The following FGF1 variants were observed in gnomAD, a reference collection of about 807,000 sequenced individuals.
The protein encoded by FGF1 is fibroblast growth factor 1.
FGF1 carries 9 observed loss-of-function variants against 13.4 expected under a neutral mutation model. That is an observed-to-expected ratio of 0.67 (90% CI 0.40 to 1.17). The LOEUF (loss-of-function observed/expected upper bound fraction) is 1.17, where lower values mean the gene tolerates loss of function less well. Among genes scored for constraint, FGF1 ranks in the 50% most tolerant of loss-of-function variants. The probability of loss-of-function intolerance (pLI) is 0.01; values close to 1 mark genes in which losing one functional copy is unlikely to be tolerated. For missense variants in FGF1, 156 were observed against 192.7 expected (o/e 0.81, Z 1.13); for synonymous variants, 93 against 79.0 (o/e 1.18, Z -0.94).
chr5:142,636,000 G>T (rs1320349024), intron 1 of FGF1, among the ~76,000 whole-genome samples: 1 of 152,118 alleles, frequency 6.6e-6, no homozygotes, highest in Non-Finnish European at 1.5e-5. Context: ...TCCATTACTT[G>T]TATTTCCTTT....
At chr5:142,648,689 CAAAAAAA>C (rs11451715) in intron 1 of FGF1, among the ~76,000 whole-genome samples, 12 of 66,230 alleles carry the variant, frequency 1.8e-4, no homozygotes, top group South Asian at 1.7e-3. Flanking sequence ...CCCCACCAAC[CAAAAAAA>C]AAAAAAAAAA....
chr5:142,600,594 C>T (rs1236856255), intron 3 of FGF1, 108 bp downstream of exon 3: 4 of 781,518 alleles, frequency 5.1e-6, no homozygotes, highest in African/African-American at 1.7e-5. Context: ...GAAAAAATAA[C>T]AAACAGAGAC....
intron 1 of FGF1, among the ~76,000 whole-genome samples, chr5:142,626,032 G>A (rs569163551): frequency 2.6e-5 from 4 of 152,152 alleles, no homozygotes; most frequent in Admixed American, 6.5e-5. Context: ...GGACCTATCC[G>A]TAAATAATAA....
chr5:142,597,649 T>A (rs899926009), intron 3 of FGF1, among the ~76,000 whole-genome samples: 4 of 152,348 alleles, frequency 2.6e-5, no homozygotes, highest in East Asian at 3.9e-4. Context: ...TTGCTTTGCC[T>A]TTTTCAAGTC....
In FGF1 at chr5:142,634,434, A is replaced by T. The variant is rs573580104; in HGVS notation, c.-34-20273T>A. On this transcript the variant is annotated intron_variant, in intron 1 of 3. Coordinates refer to ENST00000337706, the MANE Select transcript of FGF1 (RefSeq NM_000800.5). Reference sequence around the variant, plus strand: ...GGCAGACGGTTGTGAATTCTTGCTCACTTAGCATTCCAAACGGTATCCTTG... The same window carrying T: ...GGCAGACGGTTGTGAATTCTTGCTCTCTTAGCATTCCAAACGGTATCCTTG... Among the ~76,000 whole-genome samples, 3 of 152,368 alleles carry T rather than the reference A, an allele frequency of 2.0e-5. No individual in the cohort carries two copies. The East Asian group carries it at 5.8e-4, about 29-fold the overall frequency.
At chr5:142,651,457 G>T (rs1353225095) in intron 1 of FGF1, among the ~76,000 whole-genome samples, 1 of 152,064 alleles carries the variant, frequency 6.6e-6, no homozygotes, top group East Asian at 1.9e-4. Flanking sequence ...AACCACACTG[G>T]TCCATTTGTT....
intron 1 of FGF1, among the ~76,000 whole-genome samples, chr5:142,674,954 G>A (rs1016592960): frequency 2.0e-5 from 3 of 152,112 alleles, no homozygotes; most frequent in Admixed American, 6.5e-5. Context: ...GGCCCATCCA[G>A]CGTGGGAGCC....
At chr5:142,626,532 C>T (rs1245254664) in intron 1 of FGF1, among the ~76,000 whole-genome samples, 1 of 152,218 alleles carries the variant, frequency 6.6e-6, no homozygotes, top group East Asian at 1.9e-4. Context: ...GCCCCTTGAA[C>T]TGAGTGACCC....
chr5:142,645,320 C>T (rs1001998136), intron 1 of FGF1, among the ~76,000 whole-genome samples: 2 of 152,176 alleles, frequency 1.3e-5, no homozygotes, highest in Non-Finnish European at 2.9e-5. Context: ...CGAGTTAGCT[C>T]ATCACACGGC....
intron 1 of FGF1, among the ~76,000 whole-genome samples, chr5:142,618,663 A>G (rs1760741392): frequency 6.6e-6 from 1 of 152,194 alleles, no homozygotes. Flanking sequence ...TAAGCCACAA[A>G]CATAGCAGAG....
At chr5:142,639,115 T>C (rs1609895) in intron 1 of FGF1, among the ~76,000 whole-genome samples, 43,087 of 151,862 alleles carry the variant, frequency 0.28, 7,356 homozygotes, top group Non-Finnish European at 0.39. Flanking sequence ...GTATAGAGGT[T>C]CCTCAAAAAA....
upstream of FGF1, among the ~76,000 whole-genome samples, chr5:142,687,977 AT>A (rs1211217383): frequency 2.0e-5 from 3 of 152,240 alleles, no homozygotes; most frequent in Non-Finnish European, 4.4e-5. Context: ...TATCATGACA[AT>A]CAAATGTGTC....
At chr5:142,686,220 G>A (rs1751172443), upstream of FGF1, 1 of 152,432 alleles carries the variant, frequency 6.6e-6, no homozygotes, top group East Asian at 1.9e-4. Flanking sequence ...TGTAGGCTGG[G>A]GGAGCCAAGA....
At chr5:142,663,860 A>G (rs975385562) in intron 1 of FGF1, among the ~76,000 whole-genome samples, 1 of 152,254 alleles carries the variant, frequency 6.6e-6, no homozygotes, top group Non-Finnish European at 1.5e-5. Context: ...TGAAGAGTTA[A>G]GACACTTGGA....
intron 1 of FGF1, among the ~76,000 whole-genome samples, chr5:142,673,940 G>A (rs148930346): frequency 2.1e-3 from 317 of 152,244 alleles, no homozygotes; most frequent in African/African-American, 7.2e-3. Context: ...TGCCTCACCA[G>A]CCTCATTTTG....
chr5:142,631,354 T>G (rs1037192904), intron 1 of FGF1, among the ~76,000 whole-genome samples: 1 of 152,148 alleles, frequency 6.6e-6, no homozygotes, highest in Non-Finnish European at 1.5e-5. Context: ...CACTAACCAC[T>G]TGAAAAACAC....
intron 1 of FGF1, among the ~76,000 whole-genome samples, chr5:142,633,987 A>G (rs993529409): frequency 1.3e-5 from 2 of 151,086 alleles, no homozygotes; most frequent in African/African-American, 4.9e-5. Flanking sequence ...GATCGAGATC[A>G]TCCTGGCTAA....
chr5:142,677,737 G>A (rs1164264102), intron 1 of FGF1, among the ~76,000 whole-genome samples: 2 of 152,194 alleles, frequency 1.3e-5, no homozygotes, highest in Admixed American at 6.5e-5. Context: ...TGATATTTGA[G>A]CACCTACCCT....
chr5:142,674,285 G>C (rs1418253094), intron 1 of FGF1, among the ~76,000 whole-genome samples: 1 of 152,172 alleles, frequency 6.6e-6, no homozygotes, highest in African/African-American at 2.4e-5. Flanking sequence ...CCACTCCTCT[G>C]CCCCATCAGA....
Sources: allele counts gnomAD v4.1 joint callset (sites outside exome capture counted in the v4.1 genomes callset), GRCh38; gene constraint gnomAD v4.1.1; transcripts MANE v1.5; gene names NCBI Gene and HGNC (gene_info 2026-07-23, HGNC 2026-07-21).